The following GNB1 variants were observed in gnomAD, a reference collection of about 807,000 sequenced individuals.
GNB1 encodes guanine nucleotide-binding protein G(I)/G(S)/G(T) subunit beta-1.
A neutral mutation model predicts 42.9 loss-of-function variants in GNB1; 2 were observed. The observed-to-expected ratio is 0.05, with a 90% CI of 0.02 to 0.15. The LOEUF (loss-of-function observed/expected upper bound fraction) is 0.15, where lower values mean the gene tolerates loss of function less well. Ranked by LOEUF, GNB1 falls within the 10% of genes least tolerant of loss-of-function variation. The pLI, the probability that GNB1 is intolerant of heterozygous loss-of-function variation, is 1.00. For missense variants in GNB1, 193 were observed against 462.2 expected (o/e 0.42, Z 5.34); for synonymous variants, 183 against 174.7 (o/e 1.05, Z -0.38).
Position 1,795,234 on chromosome 1 carries a change from C to G in GNB1, c.431-1923G>C, listed in dbSNP as rs114620189. 8.7e-3 allele frequency among the ~76,000 whole-genome samples: 1,319 copies of G among 152,208 alleles called. 22 individuals are homozygous for G. Among genetic ancestry groups the G allele is most frequent in the African/African-American group, 0.03 (1,265 of 41,516 alleles). ...GCCCCGCAGCTCACTGTCATGCTCC[C>G]GGGTCTCCACCCGAGCCCTCCTCCA... On this transcript the variant is annotated intron_variant, in intron 7 of 11. Transcript: ENST00000378609.
At chr1:1,801,886 A>T (rs1247000947) in intron 7 of GNB1, among the ~76,000 whole-genome samples, 2 of 152,250 alleles carry the variant, frequency 1.3e-5, no homozygotes, top group African/African-American at 4.8e-5. Context: ...GACACAGTTA[A>T]GCTGAAAGGA....
Position 1,787,544 on chromosome 1 carries a change from CCA to C in GNB1, c.917-109_917-108del, listed in dbSNP as rs2100453730. The C allele has an allele frequency of 3.1e-6, 2 of 643,356 alleles. No homozygotes were observed. The highest frequency in any genetic ancestry group is 3.9e-5 in the South Asian group (2 of 51,308). 39.9% of individuals were successfully genotyped at this position (643,356 alleles called of 1,614,324 possible). A position where few individuals can be genotyped will look rare whatever the true frequency, so the allele number is the denominator to read the frequency against. ...TGGTGCATCTCTCATGGGACAAGAC[CCA>C]GAGTCTCCCACGGCCAGGAAGGGAG... is the stretch of plus-strand genomic sequence containing the variant. On this transcript the variant is annotated intron_variant, in intron 10 of 11. Coordinates refer to ENST00000378609, the MANE Select transcript of GNB1 (RefSeq NM_002074.5). This position sits in a 1 kb window ranked among gnomAD's most constrained non-coding sequence, Gnocchi z 4.4.
chr1:1,854,610 CTAAG>C (rs1487788296), intron 1 of GNB1, among the ~76,000 whole-genome samples: 3 of 152,166 alleles, frequency 2.0e-5, no homozygotes, highest in Non-Finnish European at 4.4e-5. Context: ...ACATTCCTTC[CTAAG>C]TAAGTTTTTA....
chr1:1,828,643 C>T (rs1175283224), intron 2 of GNB1, among the ~76,000 whole-genome samples: 1 of 152,118 alleles, frequency 6.6e-6, no homozygotes, highest in African/African-American at 2.4e-5. Flanking sequence ...AAAAACCAGA[C>T]GGACTTCTTT....
At chr1:1,810,072 A>G (rs1646754146) in intron 5 of GNB1, among the ~76,000 whole-genome samples, 1 of 151,812 alleles carries the variant, frequency 6.6e-6, no homozygotes, top group African/African-American at 2.4e-5. Context: ...GTCTCCACAA[A>G]AAAATATATA....
intron 5 of GNB1, among the ~76,000 whole-genome samples, chr1:1,807,765 T>G: frequency 6.6e-6 from 1 of 151,790 alleles, no homozygotes; most frequent in East Asian, 1.9e-4. Context: ...TGCAGTGCAG[T>G]GGCGCCATCT....
intron 4 of GNB1, among the ~76,000 whole-genome samples, chr1:1,816,247 C>T (rs988358547): frequency 2.0e-5 from 3 of 152,152 alleles, no homozygotes; most frequent in Non-Finnish European, 2.9e-5. Flanking sequence ...TGTCCCACAC[C>T]ACAATTTAAT....
intron 1 of GNB1, among the ~76,000 whole-genome samples, chr1:1,873,683 G>A (rs947842112): frequency 1.3e-5 from 2 of 152,280 alleles, no homozygotes; most frequent in Non-Finnish European, 2.9e-5. Context: ...GGCCGAGGTG[G>A]GCGGGTCACC....
At chr1:1,844,148 T>A (rs955392313) in intron 1 of GNB1, among the ~76,000 whole-genome samples, 2 of 151,604 alleles carry the variant, frequency 1.3e-5, no homozygotes, top group Non-Finnish European at 2.9e-5. Context: ...TGAGCTGAGA[T>A]TGCGTCACTG....
At chr1:1,828,399 G>A (rs1647028487) in intron 2 of GNB1, among the ~76,000 whole-genome samples, 1 of 152,108 alleles carries the variant, frequency 6.6e-6, no homozygotes. Flanking sequence ...CATTAGGTGG[G>A]ATAACTCCTG....
intron 1 of GNB1, among the ~76,000 whole-genome samples, chr1:1,840,264 C>G (rs1387754175): frequency 6.6e-6 from 1 of 151,728 alleles, no homozygotes; most frequent in African/African-American, 2.4e-5. Context: ...TACCGTGGCT[C>G]CTGCCTGTAA....
rs116498217 is a variant in GNB1 at position 1,792,757 on chromosome 1, T to C, written c.497+488A>G. 6.5e-3 allele frequency among the ~76,000 whole-genome samples: 992 copies of C among 151,476 alleles called. 5 individuals carry two copies. The highest frequency in any genetic ancestry group is 0.025 in the Middle Eastern group (7 of 284). On this transcript the variant is annotated intron_variant, in intron 8 of 11. Transcript: ENST00000378609. ...AGTTCTCAGCTGCTGAAAATTAAACTTTGTAAATTTATTAGAAGTATAATG... is the reference window on the plus strand; with the variant it reads ...AGTTCTCAGCTGCTGAAAATTAAACCTTGTAAATTTATTAGAAGTATAATG...
At chr1:1,818,133 C>T (rs997425916) in intron 3 of GNB1, 16 of 348,930 alleles carry the variant, frequency 4.6e-5, no homozygotes, top group Non-Finnish European at 9.1e-5. Context: ...TGGGGACCCA[C>T]AGCTGTGGCC....
At chr1:1,820,525 G>A (rs968707632) in intron 3 of GNB1, among the ~76,000 whole-genome samples, 5 of 152,038 alleles carry the variant, frequency 3.3e-5, no homozygotes, top group African/African-American at 1.2e-4. Context: ...AACATTTGGA[G>A]TAAGGGGGAT....
rs547431703 is a variant in GNB1 at position 1,838,691 on chromosome 1, AACCTG to A, written c.-47+494_-47+498del. Among the ~76,000 whole-genome samples, 420 of 151,594 alleles carry A rather than the reference AACCTG, an allele frequency of 2.8e-3. 4 individuals carry two copies. The highest frequency in any genetic ancestry group is 0.01 in the Middle Eastern group (3 of 290). ...GATCTCCTGACCTCGTGATCCACCC[AACCTG>A]ACCTCCCAAAGTGCTGGGATTACAG... On this transcript the variant is annotated intron_variant, in intron 2 of 11. Transcript: ENST00000378609.
intron 1 of GNB1, among the ~76,000 whole-genome samples, chr1:1,851,684 AC>A (rs1406413670): frequency 1.3e-5 from 2 of 152,226 alleles, no homozygotes; most frequent in Non-Finnish European, 2.9e-5. Flanking sequence ...GAAGATGCAA[AC>A]AGTCTTGCAG....
chr1:1,853,406 A>G (rs912631645), intron 1 of GNB1, among the ~76,000 whole-genome samples: 2 of 152,192 alleles, frequency 1.3e-5, no homozygotes, highest in African/African-American at 2.4e-5. Context: ...AGGGCCAAAC[A>G]CATGGGCACG....
chr1:1,880,585 C>T (rs1417967049), intron 1 of GNB1, among the ~76,000 whole-genome samples: 1 of 145,462 alleles, frequency 6.9e-6, no homozygotes, highest in Non-Finnish European at 1.5e-5. Context: ...GACTCCATCT[C>T]AAAAAAAAAA....
intron 1 of GNB1, among the ~76,000 whole-genome samples, chr1:1,867,491 A>C (rs999670768): frequency 6.6e-5 from 10 of 152,152 alleles, no homozygotes; most frequent in Admixed American, 6.6e-4. Flanking sequence ...TTATACCAAA[A>C]ATTCTAGCTA....
Sources: allele counts gnomAD v4.1 joint callset (sites outside exome capture counted in the v4.1 genomes callset), GRCh38; gene constraint gnomAD v4.1.1; non-coding constraint Gnocchi (gnomAD v3.1); transcripts MANE v1.5; gene names NCBI Gene and HGNC (gene_info 2026-07-23, HGNC 2026-07-21).